THADA: variants seen among roughly 807,000 people sequenced by gnomAD.
The protein encoded by THADA is THADA armadillo repeat containing, also known as tRNA (32-2'-O)-methyltransferase regulator THADA.
A neutral mutation model predicts 219.8 loss-of-function variants in THADA; 213 were observed. That is an observed-to-expected ratio of 0.97 (90% CI 0.87 to 1.09). The LOEUF is 1.09. THADA is among the 50% of genes least tolerant of loss of function. The pLI, the probability that THADA is intolerant of heterozygous loss-of-function variation, is 0.00. For synonymous variants in THADA, 1,018 were observed against 828.9 expected (o/e 1.23, Z -3.92); for missense variants, 2,956 against 2,311.3 (o/e 1.28, Z -5.72).
intron 25 of THADA, among the ~76,000 whole-genome samples, chr2:43,487,329 A>G (rs1687036821): frequency 6.6e-6 from 1 of 152,188 alleles, no homozygotes; most frequent in South Asian, 2.1e-4. Flanking sequence ...ATCTTGCCCT[A>G]AGCCATACTT....
At chr2:43,338,180 A>T (rs1666689979) in intron 30 of THADA, among the ~76,000 whole-genome samples, 1 of 140,880 alleles carries the variant, frequency 7.1e-6, no homozygotes, top group African/African-American at 2.7e-5. Context: ...TTTTTGAGAC[A>T]GAGTCTCCCT....
chr2:43,447,461 C>T (rs542162446), intron 26 of THADA, among the ~76,000 whole-genome samples: 1 of 152,328 alleles, frequency 6.6e-6, no homozygotes, highest in African/African-American at 2.4e-5. Flanking sequence ...TTCTTAATCA[C>T]ATCTACAAAG....
chr2:43,354,362 T>A (rs1668639923), intron 29 of THADA, among the ~76,000 whole-genome samples: 1 of 152,162 alleles, frequency 6.6e-6, no homozygotes, highest in Admixed American at 6.5e-5. Context: ...ATTTCTCTGT[T>A]ATGAACATTC....
chr2:43,430,207 T>C lies in THADA; in HGVS notation c.3926+6A>G, dbSNP rs1174297382. The C allele has an allele frequency of 6.7e-7, 1 of 1,491,536 alleles. No homozygotes were observed. Among genetic ancestry groups the C allele is most frequent in the Non-Finnish European group, 9.0e-7 (1 of 1,111,668 alleles). The allele number at this position is 1,491,536 out of a possible 1,614,324, so 92.4% of individuals were successfully genotyped here. A position where few individuals can be genotyped will look rare whatever the true frequency, so the allele number is the denominator to read the frequency against. On this transcript the variant is annotated splice_donor_region_variant and intron_variant, in intron 27 of 37. Transcript: ENST00000405975. ...GTCATTTTGCCCCACCCAATTCTCT[T>C]CTTACCTGTCTACTGTATTGGCTAC...
In THADA at chr2:43,261,060, C is replaced by T. The variant is rs115867747; in HGVS notation, c.5296+18705G>A. ...TTATTTTACCCGATATGTAAAGGCT[C>T]ATGCCTGTTATTTTGTGGATAACTT... On this transcript the variant is annotated intron_variant, in intron 36 of 37. Transcript: ENST00000405975. Among the ~76,000 whole-genome samples, 1,249 of 152,086 alleles carry T rather than the reference C, an allele frequency of 8.2e-3. 11 individuals are homozygous for T. The highest frequency in any genetic ancestry group is 0.014 in the Non-Finnish European group (918 of 67,996).
At chr2:43,330,513 T>C (rs1403801740) in intron 30 of THADA, among the ~76,000 whole-genome samples, 2 of 152,130 alleles carry the variant, frequency 1.3e-5, no homozygotes, top group Admixed American at 6.5e-5. Context: ...CAGCTTAATA[T>C]GAGGGCAGAT....
intron 21 of THADA, 87 bp downstream of exon 21, chr2:43,541,072 A>T (rs1346571264): frequency 6.1e-6 from 8 of 1,320,238 alleles, no homozygotes; most frequent in Non-Finnish European, 7.0e-6. Context: ...AAAATTTTAA[A>T]CCTTTTTTTA....
chr2:43,514,857 CAATATATATTTTATGTATAATATGTAT>C (rs1558889158), intron 22 of THADA, among the ~76,000 whole-genome samples: 12 of 62,000 alleles, frequency 1.9e-4, no homozygotes, highest in Non-Finnish European at 1.9e-4. Flanking sequence ...ATAATATGTA[CAATATATATTTTATGTATAATATGTAT>C]AATATATATT....
Position 43,435,591 on chromosome 2 carries a change from T to C in THADA, c.3837-5289A>G, listed in dbSNP as rs367577411. Reference sequence around the variant, plus strand: ...TGAGTTCAAGAGTTCGAGACCAACCTGGCCAACATGGTGAAATCCTGTCTG... The same window carrying C: ...TGAGTTCAAGAGTTCGAGACCAACCCGGCCAACATGGTGAAATCCTGTCTG... On this transcript the variant is annotated intron_variant, in intron 26 of 37. Coordinates refer to ENST00000405975, the MANE Select transcript of THADA (RefSeq NM_022065.5). 1.1e-4 allele frequency among the ~76,000 whole-genome samples: 16 copies of C among 151,988 alleles called. No individual in the cohort carries two copies. In the South Asian group the frequency reaches 3.3e-3, roughly 32 times the overall value.
intron 28 of THADA, among the ~76,000 whole-genome samples, chr2:43,399,538 G>A (rs1674519514): frequency 6.6e-6 from 1 of 152,134 alleles, no homozygotes; most frequent in Middle Eastern, 3.2e-3. Context: ...GGGAGGCAGG[G>A]GAAGAGGAAA....
At chr2:43,264,023 ATTTTC>A (rs1671248771) in intron 36 of THADA, among the ~76,000 whole-genome samples, 2 of 152,216 alleles carry the variant, frequency 1.3e-5, no homozygotes, top group African/African-American at 4.8e-5. Flanking sequence ...GACTGAAATT[ATTTTC>A]CTCCATGGGC....
At chr2:43,432,146 G>A (rs56971436) in intron 26 of THADA, among the ~76,000 whole-genome samples, 6 of 109,596 alleles carry the variant, frequency 5.5e-5, no homozygotes, top group Admixed American at 2.4e-4. Context: ...GTGAGCCACC[G>A]CGCCCGGCCA....
At chr2:43,299,022 C>G (rs532734386) in intron 31 of THADA, among the ~76,000 whole-genome samples, 2 of 152,182 alleles carry the variant, frequency 1.3e-5, no homozygotes, top group African/African-American at 2.4e-5. Context: ...CACACCTGAC[C>G]TAATGCAGTC....
intron 35 of THADA, among the ~76,000 whole-genome samples, chr2:43,283,384 G>A (rs547912797): frequency 8.5e-5 from 13 of 152,342 alleles, no homozygotes; most frequent in African/African-American, 2.4e-4. Flanking sequence ...CTTTGGAACC[G>A]GGTAATGGGC....
intron 1 of THADA, 182 bp downstream of exon 1, chr2:43,595,749 G>A (rs1163888779): frequency 6.6e-6 from 1 of 152,340 alleles, no homozygotes; most frequent in Non-Finnish European, 1.5e-5. Context: ...GAATGACAGT[G>A]GGAGAAAGTG....
At chr2:43,521,381 C>A (rs1209776646) in intron 22 of THADA, among the ~76,000 whole-genome samples, 1 of 152,104 alleles carries the variant, frequency 6.6e-6, no homozygotes, top group Non-Finnish European at 1.5e-5. Context: ...ATGGCGAAAC[C>A]CAGTCTCTAT....
In THADA at chr2:43,549,198, T is replaced by C. The variant is rs1487459350; in HGVS notation, c.3106+12A>G. The C allele has an allele frequency of 6.5e-7, 1 of 1,549,838 alleles. No individual in the cohort carries two copies. The highest frequency in any genetic ancestry group is 8.7e-7 in the Non-Finnish European group (1 of 1,149,688). On this transcript the variant is annotated intron_variant, in intron 20 of 37. Transcript: ENST00000405975. The stretch of plus-strand genomic sequence containing the variant: ...TAAACATGAATTACAGTATCCATTT[T>C]ATACAAGTTACCTTTGATTTCTGTA...
Position 43,574,844 on chromosome 2 carries a change from C to CA in THADA, c.1220dup (p.Arg408GlufsTer27), listed in dbSNP as rs1699685027. ...TGAACATGATTTTGGTTTGGTGTCT[C>CA]AGAGCATCCAATGGATGTTCCCAAT... On this transcript the variant is annotated frameshift_variant, in exon 11 of 38. Transcript: ENST00000405975. LOFTEE classifies it high-confidence loss of function. 1.2e-6 allele frequency: 2 copies of CA among 1,613,994 alleles called. No homozygotes were observed. Among genetic ancestry groups the CA allele is most frequent in the East Asian group, 4.5e-5 (2 of 44,890 alleles).
At chr2:43,455,424 G>T (rs943690876) in intron 26 of THADA, among the ~76,000 whole-genome samples, 13 of 151,704 alleles carry the variant, frequency 8.6e-5, no homozygotes, top group African/African-American at 2.9e-4. Context: ...ATTTTAGGTG[G>T]CAGCTGTTTC....
Sources: allele counts gnomAD v4.1 joint callset (sites outside exome capture counted in the v4.1 genomes callset), GRCh38; gene constraint gnomAD v4.1.1; transcripts MANE v1.5; gene names NCBI Gene and HGNC (gene_info 2026-07-23, HGNC 2026-07-21).